Variants in NSF observed in about 807,000 individuals in gnomAD.
The protein encoded by NSF is vesicle-fusing ATPase.
In NSF, 14 loss-of-function variants were observed where a neutral mutation model predicts 50.3. That is an observed-to-expected ratio of 0.28 (90% CI 0.18 to 0.44). The LOEUF (loss-of-function observed/expected upper bound fraction) is 0.44. Among genes scored for constraint, NSF ranks in the 20% least tolerant of loss-of-function variants. NSF has a pLI of 1.00. For synonymous variants in NSF, 109 were observed against 175.7 expected, an observed-to-expected ratio of 0.62 and a Z score of 3.00; for missense variants, 218 against 504.3, an observed-to-expected ratio of 0.43 and a Z score of 5.44.
At chr17:46,748,181 C>T (rs1341584311) in intron 17 of NSF, among the ~76,000 whole-genome samples, 1 of 152,044 alleles carries the variant, frequency 6.6e-6, no homozygotes, top group South Asian at 2.1e-4. Flanking sequence ...GATCTTGGCT[C>T]GGCTCACTGC....
chr17:46,717,192 C>T (rs12951057), intron 15 of NSF, among the ~76,000 whole-genome samples: 1 of 152,018 alleles, frequency 6.6e-6, no homozygotes. Flanking sequence ...TCATTTGCAA[C>T]AACATGGATG....
At chr17:46,621,354 T>A (rs940837636) in intron 1 of NSF, among the ~76,000 whole-genome samples, 2 of 137,798 alleles carry the variant, frequency 1.5e-5, no homozygotes, top group African/African-American at 5.5e-5. Flanking sequence ...TGACACGATC[T>A]CAGCTCACTG....
chr17:46,750,159 C>T (rs2059168369), intron 18 of NSF, among the ~76,000 whole-genome samples: 1 of 152,150 alleles, frequency 6.6e-6, no homozygotes, highest in African/African-American at 2.4e-5. Context: ...TCGAGACCAG[C>T]CTGGCCAACA....
chr17:46,710,853 T>C (rs2058713263), intron 13 of NSF, 110 bp from the exon 14 acceptor site: 3 of 899,324 alleles, frequency 3.3e-6, no homozygotes, highest in Non-Finnish European at 4.9e-6. Flanking sequence ...TTTATATTAA[T>C]ATGGGATAGT....
chr17:46,722,055 C>G, intron 15 of NSF: 4 of 1,608,414 alleles, frequency 2.5e-6, no homozygotes, highest in Non-Finnish European at 3.4e-6. Context: ...CTGAGCTGAG[C>G]CTTGAGGTCC....
intron 15 of NSF, among the ~76,000 whole-genome samples, chr17:46,717,712 AAAAAT>A (rs932316011): frequency 3.5e-4 from 53 of 152,270 alleles, no homozygotes; most frequent in African/African-American, 1.2e-3. Flanking sequence ...ACTCCATCTA[AAAAAT>A]AAAATAAAAT....
chr17:46,713,558 T>G (rs1025983078), intron 14 of NSF, among the ~76,000 whole-genome samples: 6 of 152,194 alleles, frequency 3.9e-5, no homozygotes, highest in African/African-American at 1.4e-4. Context: ...ATGCGTTCTT[T>G]TAAGAAGCAA....
intron 17 of NSF, among the ~76,000 whole-genome samples, chr17:46,732,932 C>T (rs2058964733): frequency 6.6e-6 from 1 of 152,224 alleles, no homozygotes; most frequent in African/African-American, 2.4e-5. Context: ...TCACACAAGG[C>T]ATGGGGGTGC....
intron 20 of NSF, 109 bp downstream of exon 20, chr17:46,755,478 G>T: frequency 2.0e-6 from 2 of 985,280 alleles, no homozygotes; most frequent in Non-Finnish European, 3.2e-6. Context: ...CCATTTATTT[G>T]AATTCTTCGC....
At position 46,679,323 on chromosome 17, in the gene NSF, G is replaced by A. The variant is rs560962335; in HGVS notation, c.945+4710G>A. 2.1e-5 allele frequency among the ~76,000 whole-genome samples: 3 copies of A among 139,976 alleles called. No homozygotes were observed. In the South Asian group the frequency reaches 7.3e-4, roughly 34 times the overall value. 91.8% of individuals were successfully genotyped at this position (139,976 alleles called of 152,430 possible). A position where few individuals can be genotyped will look rare whatever the true frequency, so the allele number is the denominator to read the frequency against. ...CTTTTCTCTATGTGTGATGTATTTT[G>A]CAATTAAAAGTTTTAAAAATAAATT... On this transcript the variant is annotated intron_variant, in intron 9 of 20. Transcript: ENST00000398238.
intron 17 of NSF, among the ~76,000 whole-genome samples, chr17:46,742,192 TAC>T (rs1316707672): frequency 2.0e-5 from 3 of 152,226 alleles, no homozygotes; most frequent in Non-Finnish European, 4.4e-5. Flanking sequence ...GCACGAAGCA[TAC>T]ATGCCGTTCA....
chr17:46,657,911 C>T (rs1326139461), intron 8 of NSF, among the ~76,000 whole-genome samples: 4 of 87,534 alleles, frequency 4.6e-5, no homozygotes, highest in Admixed American at 4.2e-4. Context: ...TGTCTGTTCT[C>T]GCTTTGAAGA....
At chr17:46,721,714 G>A in intron 15 of NSF, 1 of 1,606,756 alleles carries the variant, frequency 6.2e-7, no homozygotes, top group East Asian at 2.2e-5. Context: ...TTATGAGCCG[G>A]CTGCTATCTA....
rs376486290 is a variant in NSF, at chr17:46,711,724, A to T, written c.1627+605A>T. 5.9e-5 allele frequency among the ~76,000 whole-genome samples: 9 copies of T among 152,354 alleles called. No homozygotes were observed. The East Asian group carries it at 1.2e-3, about 20-fold the overall frequency. ...AATTAGTATGACGGCAGAAAAGTTCAGTGAGGCCCCATGACAAGGGAACCT... is the reference window on the plus strand; with the variant it reads ...AATTAGTATGACGGCAGAAAAGTTCTGTGAGGCCCCATGACAAGGGAACCT... On this transcript the variant is annotated intron_variant, in intron 14 of 20. Transcript: ENST00000398238.
At chr17:46,676,234 T>C (rs2058405183) in intron 9 of NSF, among the ~76,000 whole-genome samples, 2 of 74,024 alleles carry the variant, frequency 2.7e-5, no homozygotes, top group Admixed American at 3.4e-4. Flanking sequence ...ATTCTTCTTC[T>C]TTTTTTTTTT....
intron 17 of NSF, among the ~76,000 whole-genome samples, chr17:46,735,141 G>A (rs143938745): frequency 3.2e-4 from 49 of 152,196 alleles, no homozygotes; most frequent in African/African-American, 1.0e-3. Context: ...TTTCAAAATA[G>A]GGTTTTGTTT....
intron 15 of NSF, chr17:46,722,002 A>G: frequency 6.2e-7 from 1 of 1,608,338 alleles, no homozygotes; most frequent in Non-Finnish European, 8.5e-7. Flanking sequence ...CTTTCCGACC[A>G]CCACCAACTT....
chr17:46,747,569 C>T (rs546037909), intron 17 of NSF, among the ~76,000 whole-genome samples: 21 of 152,120 alleles, frequency 1.4e-4, no homozygotes, highest in East Asian at 3.9e-4. Flanking sequence ...TGTGAGCCAC[C>T]GGCCTCAGAG....
Position 46,755,917 on chromosome 17 carries a change from A to G in NSF, c.*94A>G. ...CTGTCTTACTCAAGATACTGGACTA[A>G]GTGGAACGTTCTCTACCTTCAACAT... On this transcript the variant is annotated 3_prime_UTR_variant, in exon 21 of 21. Coordinates refer to ENST00000398238, the MANE Select transcript of NSF (RefSeq NM_006178.4). 1 of 1,264,810 alleles carries G rather than the reference A, an allele frequency of 7.9e-7. No homozygotes were observed. Among genetic ancestry groups the G allele is most frequent in the Non-Finnish European group, 1.1e-6 (1 of 886,160 alleles). The allele number at this position is 1,264,810 out of a possible 1,614,324, so 78.3% of individuals were successfully genotyped here.
Sources: allele counts gnomAD v4.1 joint callset (sites outside exome capture counted in the v4.1 genomes callset), GRCh38; gene constraint gnomAD v4.1.1; transcripts MANE v1.5; gene names NCBI Gene and HGNC (gene_info 2026-07-23, HGNC 2026-07-21).